Variants in CCDC91 observed in about 807,000 individuals in gnomAD.
The protein encoded by CCDC91 is coiled-coil domain containing 91.
In CCDC91, 48 loss-of-function variants were observed where a neutral mutation model predicts 63.2. The observed-to-expected ratio is 0.76, with a 90% confidence interval of 0.60 to 0.97. The LOEUF (loss-of-function observed/expected upper bound fraction) is 0.97. Ranked by LOEUF, CCDC91 falls within the 50% of genes least tolerant of loss-of-function variation. The probability of loss-of-function intolerance (pLI) is 0.00; values close to 1 mark genes in which losing one functional copy is unlikely to be tolerated. For synonymous variants in CCDC91, 167 were observed against 165.8 expected (o/e 1.01, Z -0.06); for missense variants, 500 against 494.6 (o/e 1.01, Z -0.10).
chr12:28,367,964 A>T (rs537049586), intron 7 of CCDC91, among the ~76,000 whole-genome samples: 1 of 152,346 alleles, frequency 6.6e-6, no homozygotes, highest in Non-Finnish European at 1.5e-5. Context: ...AAGCTGCAAC[A>T]TTAGTTCCTT....
At chr12:28,259,779 T>A (rs1488825700) in intron 3 of CCDC91, among the ~76,000 whole-genome samples, 4 of 151,936 alleles carry the variant, frequency 2.6e-5, no homozygotes, top group African/African-American at 9.7e-5. Flanking sequence ...TTCCTTTTTA[T>A]AGTCCAAAAA....
intron 11 of CCDC91, among the ~76,000 whole-genome samples, chr12:28,465,917 A>G (rs1950526370): frequency 6.6e-6 from 1 of 152,158 alleles, no homozygotes; most frequent in Non-Finnish European, 1.5e-5. Context: ...ACTCAAATTC[A>G]AGATAACACA....
At chr12:28,196,563 A>T (rs1373143073) in intron 1 of CCDC91, among the ~76,000 whole-genome samples, 2 of 152,204 alleles carry the variant, frequency 1.3e-5, no homozygotes, top group African/African-American at 4.8e-5. Context: ...GTCTTTTACC[A>T]TTGAGTAGTT....
intron 6 of CCDC91, among the ~76,000 whole-genome samples, chr12:28,320,980 A>T (rs908524964): frequency 2.6e-5 from 4 of 151,932 alleles, no homozygotes; most frequent in African/African-American, 9.7e-5. Context: ...GTGTGTTTAC[A>T]TATTCTGTTT....
chr12:28,501,373 T>A (rs1937831769), intron 12 of CCDC91, among the ~76,000 whole-genome samples: 1 of 151,890 alleles, frequency 6.6e-6, no homozygotes, highest in East Asian at 1.9e-4. Context: ...TATTTTGAGA[T>A]ACGTCCCATC....
At chr12:28,333,902 A>G (rs1941715859) in intron 6 of CCDC91, among the ~76,000 whole-genome samples, 1 of 152,194 alleles carries the variant, frequency 6.6e-6, no homozygotes, top group South Asian at 2.1e-4. Flanking sequence ...TCTCTGTTGA[A>G]GATCTTTTTG....
chr12:28,527,880 G>A (rs1412565574), intron 12 of CCDC91, among the ~76,000 whole-genome samples: 2 of 152,090 alleles, frequency 1.3e-5, no homozygotes, highest in Non-Finnish European at 2.9e-5. Flanking sequence ...GAAACTGGGG[G>A]AAAGACAGGA....
chr12:28,366,844 A>G lies in CCDC91; in HGVS notation c.654+4329A>G, dbSNP rs561043343. Among the ~76,000 whole-genome samples, 64 of 152,154 alleles carry G rather than the reference A, an allele frequency of 4.2e-4. 1 individual carries two copies. The South Asian group carries it at 0.013, about 31-fold the overall frequency. ...CCTTACTCCTCACAGCCGGACTGGTATTGATGGAGGCCTGGTGGGAAGCTG... is the reference window on the plus strand; with the variant it reads ...CCTTACTCCTCACAGCCGGACTGGTGTTGATGGAGGCCTGGTGGGAAGCTG... On this transcript the variant is annotated intron_variant, in intron 7 of 12. Coordinates refer to ENST00000536442, the MANE Select transcript of CCDC91 (RefSeq NM_018318.5).
Position 28,329,785 on chromosome 12 carries a change from G to GC in CCDC91, c.576+22040dup, listed in dbSNP as rs1217013444. Among the ~76,000 whole-genome samples the GC allele has an allele frequency of 2.0e-5, 3 of 152,096 alleles. No individual in the cohort carries two copies. The East Asian group carries it at 5.8e-4, about 29-fold the overall frequency. ...TCCCCCAGGCCCCACCCTGTGACAGGCCCCAGTATGTGATGTTCCCCGCCC... is the reference window on the plus strand; with the variant it reads ...TCCCCCAGGCCCCACCCTGTGACAGGCCCCCAGTATGTGATGTTCCCCGCCC... On this transcript the variant is annotated intron_variant, in intron 6 of 12. Transcript: ENST00000536442.
chr12:28,259,465 G>T (rs7969414), intron 3 of CCDC91, 23 bp downstream of exon 3: 488,305 of 1,140,192 alleles, frequency 0.43, 82,601 homozygotes, highest in Non-Finnish European at 0.44. Flanking sequence ...AGGAATTAGG[G>T]TTTTTTTTTT....
Position 28,480,843 on chromosome 12 carries a change from C to T in CCDC91, c.1102-3209C>T, listed in dbSNP as rs1389924667. 3.3e-5 allele frequency among the ~76,000 whole-genome samples: 5 copies of T among 152,090 alleles called. No individual in the cohort carries two copies. In the Middle Eastern group the frequency reaches 0.01, roughly 310 times the overall value. ...ACTGAGCTATGTTTACAGTCCTTAACAAAATTGCCCTGATAAAGGGCAGAC... is the reference window on the plus strand; with the variant it reads ...ACTGAGCTATGTTTACAGTCCTTAATAAAATTGCCCTGATAAAGGGCAGAC... On this transcript the variant is annotated intron_variant, in intron 11 of 12. Transcript: ENST00000536442.
chr12:28,449,714 T>C (rs1266287172), intron 8 of CCDC91, among the ~76,000 whole-genome samples: 1 of 152,040 alleles, frequency 6.6e-6, no homozygotes, highest in Non-Finnish European at 1.5e-5. Flanking sequence ...CAATTTTTTT[T>C]AACAATGCCT....
chr12:28,315,195 C>T (rs749608309), intron 6 of CCDC91, among the ~76,000 whole-genome samples: 4 of 150,984 alleles, frequency 2.6e-5, no homozygotes, highest in Non-Finnish European at 4.4e-5. Context: ...GAAGGAGTTT[C>T]GCTCTTGTTG....
intron 12 of CCDC91, among the ~76,000 whole-genome samples, chr12:28,504,339 A>G (rs1016880655): frequency 8.6e-5 from 13 of 151,868 alleles, no homozygotes; most frequent in African/African-American, 3.1e-4. Flanking sequence ...TGTTGCACAG[A>G]TTTTATTTAT....
intron 3 of CCDC91, among the ~76,000 whole-genome samples, chr12:28,267,440 A>G (rs1335641139): frequency 1.3e-5 from 2 of 150,966 alleles, no homozygotes; most frequent in Non-Finnish European, 3.0e-5. Context: ...TGCCGTTACA[A>G]ACAGACCTGT....
chr12:28,488,220 A>G (rs1951822530), intron 12 of CCDC91, among the ~76,000 whole-genome samples: 1 of 151,824 alleles, frequency 6.6e-6, no homozygotes, highest in African/African-American at 2.4e-5. Flanking sequence ...TAGAGATGTC[A>G]CTAAACTTTA....
chr12:28,214,343 G>A (rs1435406106), intron 1 of CCDC91, among the ~76,000 whole-genome samples: 1 of 151,972 alleles, frequency 6.6e-6, no homozygotes, highest in East Asian at 1.9e-4. Context: ...GGATGTCTTG[G>A]TCAGTGGAAA....
chr12:28,320,119 A>G (rs1427521408), intron 6 of CCDC91, among the ~76,000 whole-genome samples: 2 of 151,966 alleles, frequency 1.3e-5, no homozygotes, highest in East Asian at 1.9e-4. Flanking sequence ...TACTTTTTCT[A>G]TGACATTATT....
chr12:28,209,361 T>C (rs1266566231), intron 1 of CCDC91, among the ~76,000 whole-genome samples: 1 of 152,256 alleles, frequency 6.6e-6, no homozygotes, highest in African/African-American at 2.4e-5. Flanking sequence ...ATGGAAAAGC[T>C]GAAAAATACC....
Sources: allele counts gnomAD v4.1 joint callset (sites outside exome capture counted in the v4.1 genomes callset), GRCh38; gene constraint gnomAD v4.1.1; transcripts MANE v1.5; gene names NCBI Gene and HGNC (gene_info 2026-07-23, HGNC 2026-07-21).